NYAP1: variants seen among roughly 807,000 people sequenced by gnomAD.
NYAP1 encodes the protein neuronal tyrosine-phosphorylated phosphoinositide-3-kinase adapter 1.
In NYAP1, 20 loss-of-function variants were observed where a neutral mutation model predicts 58.6. That is an observed-to-expected ratio of 0.34 (90% CI 0.24 to 0.50). NYAP1 has a LOEUF of 0.50. NYAP1 is among the 20% of genes least tolerant of loss of function. The pLI, the probability that NYAP1 is intolerant of heterozygous loss-of-function variation, is 0.98. For synonymous variants in NYAP1, 572 were observed against 523.1 expected (o/e 1.09, Z -1.27); for missense variants, 1,150 against 1,194.5 (o/e 0.96, Z 0.55).
Position 100,489,375 on chromosome 7 carries a change from C to T in NYAP1, c.1654C>T (p.Pro552Ser). 6.2e-7 allele frequency: 1 copy of T among 1,612,748 alleles called. No individual in the cohort carries two copies. The highest frequency in any genetic ancestry group is 8.5e-7 in the Non-Finnish European group (1 of 1,179,898). Residue 552 changes from proline (P) to serine (S), a missense_variant, in exon 4 of 7, where the codon CCA becomes TCA. Transcript: ENST00000300179. ...CCCCCTGACCCCGCTGTGGACCTAC[C>T]CAGCCACAGCAGCTGGGCTCAAGAG... ...VGPLTPLWTY[P>S]ATAAGLKRPP...
chr7:100,490,467 A>C lies in NYAP1; in HGVS notation c.1946-50A>C, dbSNP rs376847262. The C allele has an allele frequency of 4.9e-5, 74 of 1,509,702 alleles. 2 individuals are homozygous for C. The East Asian group carries it at 1.2e-3, about 25-fold the overall frequency. The allele number at this position is 1,509,702 out of a possible 1,614,324, so 93.5% of individuals were successfully genotyped here. Reference sequence around the variant, plus strand: ...GCAGCATGTGTGGCCAGAGGGACAGAATGACGCCTCCAACATGCAGGCACA... The same window carrying C: ...GCAGCATGTGTGGCCAGAGGGACAGCATGACGCCTCCAACATGCAGGCACA... On this transcript the variant is annotated intron_variant, in intron 4 of 6. Transcript: ENST00000300179. This position sits in a 1 kb window ranked among gnomAD's most constrained non-coding sequence, Gnocchi z 4.6.
rs560739359 is a variant in NYAP1 at position 100,489,820 on chromosome 7, C to T, written c.1945+154C>T. ...AGGAGACCAGAGAGGTGGGGGTGGG[C>T]GATAGACAGAAAGACCGGGGTCCCC... On this transcript the variant is annotated intron_variant, in intron 4 of 6. Transcript: ENST00000300179. Among the ~76,000 whole-genome samples, 70 of 150,474 alleles carry T rather than the reference C, an allele frequency of 4.7e-4. No homozygotes were observed. Among genetic ancestry groups the T allele is most frequent in the Middle Eastern group, 3.4e-3 (1 of 292 alleles).
Position 100,486,681 on chromosome 7 carries a change from T to G in NYAP1, c.69-140T>G. On this transcript the variant is annotated intron_variant, in intron 2 of 6. Coordinates refer to ENST00000300179, the MANE Select transcript of NYAP1 (RefSeq NM_173564.4). The surrounding 1 kb of genome is among the most constrained non-coding windows in gnomAD (Gnocchi z 6.2). ...AGCCCCTTCATTGGTGCCCTGGACC[T>G]TCTGGCAACCCTGTCCCCACCCAGG... is the stretch of plus-strand genomic sequence containing the variant. The G allele has an allele frequency of 1.0e-6, 1 of 1,004,184 alleles. No homozygotes were observed. Among genetic ancestry groups the G allele is most frequent in the South Asian group, 2.0e-5 (1 of 50,436 alleles). The allele number at this position is 1,004,184 out of a possible 1,614,324, so 62.2% of individuals were successfully genotyped here.
rs1332879055 is a variant in NYAP1, at chr7:100,493,982, G to C, written c.*79G>C. The C allele has an allele frequency of 1.6e-6, 2 of 1,257,974 alleles. No individual in the cohort carries two copies. Among genetic ancestry groups the C allele is most frequent in the East Asian group, 5.8e-5 (2 of 34,408 alleles). 77.9% of individuals were successfully genotyped at this position (1,257,974 alleles called of 1,614,324 possible). On this transcript the variant is annotated 3_prime_UTR_variant, in exon 7 of 7. Transcript: ENST00000300179. Reference sequence around the variant, plus strand: ...GGCTCTCCCGGGAGCCTCGCCTTGAGAGACATTGAAAGACTACGTGGGAGA... The same window carrying C: ...GGCTCTCCCGGGAGCCTCGCCTTGACAGACATTGAAAGACTACGTGGGAGA...
At position 100,487,264 on chromosome 7, in the gene NYAP1, G is replaced by A. The variant is rs1349840046; in HGVS notation, c.430+82G>A. 34 of 1,369,512 alleles carry A rather than the reference G, an allele frequency of 2.5e-5. No individual in the cohort carries two copies. The highest frequency in any genetic ancestry group is 3.0e-5 in the Non-Finnish European group (31 of 1,039,024). The allele number at this position is 1,369,512 out of a possible 1,614,324, so 84.8% of individuals were successfully genotyped here. A position where few individuals can be genotyped will look rare whatever the true frequency, so the allele number is the denominator to read the frequency against. On this transcript the variant is annotated intron_variant, in intron 3 of 6. Coordinates refer to ENST00000300179, the MANE Select transcript of NYAP1 (RefSeq NM_173564.4). This position sits in a 1 kb window ranked among gnomAD's most constrained non-coding sequence, Gnocchi z 4.1. ...CACGCCCGGGGAGGCTTGCCGGGAG[G>A]GTTCATTCAGGGAAGAACCAAGGAA...
In NYAP1 at chr7:100,489,318, TC is replaced by T; in HGVS notation, c.1603del (p.His535ThrfsTer8). The T allele has an allele frequency of 6.2e-7, 1 of 1,602,800 alleles. No individual in the cohort carries two copies. The highest frequency in any genetic ancestry group is 8.5e-7 in the Non-Finnish European group (1 of 1,175,458). ...GVLHHRGCLASPHSLPDPTVG... is the reference protein window; with the variant it reads ...GVLHHRGCLAXPHSLPDPTVG... ...CCTCCACCACCGCGGCTGCCTGGCC[TC>T]CCCCCACAGCCTTCCGGACCCAACT... is the stretch of plus-strand genomic sequence containing the variant. On this transcript the variant is annotated frameshift_variant, in exon 4 of 7. Transcript: ENST00000300179. LOFTEE classifies it high-confidence loss of function.
rs1799788079 is a variant in NYAP1 at position 100,490,990 on chromosome 7, C to T, written c.2163C>T (p.Phe721=). 1 of 1,549,944 alleles carries T rather than the reference C, an allele frequency of 6.5e-7. No homozygotes were observed. The highest frequency in any genetic ancestry group is 1.2e-5 in the South Asian group (1 of 84,026). The change falls in exon 6 of 7, where the codon TTC becomes TTT. Residue 721 remains phenylalanine, a synonymous_variant. Coordinates refer to ENST00000300179, the MANE Select transcript of NYAP1 (RefSeq NM_173564.4). The surrounding 1 kb of genome is among the most constrained non-coding windows in gnomAD (Gnocchi z 4.6). ...CTCCTCCTTCTTCCACCTCAGACTTCACGGGAGGCTACCGCCTGGGGCGCT... is the reference window on the plus strand; with the variant it reads ...CTCCTCCTTCTTCCACCTCAGACTTTACGGGAGGCTACCGCCTGGGGCGCT... The part of the protein sequence containing the change: ...TFPACHRNGD[F]TGGYRLGRSA...
chr7:100,491,025 C>T lies in NYAP1; in HGVS notation c.2198C>T (p.Thr733Ile), dbSNP rs1799788793. ...TACCGCCTGGGGCGCTCCGCCTCCA[C>T]CTCCGGAGTCCGGCAGGTCGTGCTC... is the stretch of plus-strand genomic sequence containing the variant. ...GGYRLGRSAS[T>I]SGVRQVVLHT... The change falls in exon 6 of 7, where the codon ACC (threonine) becomes ATC (isoleucine). Residue 733 changes from threonine (T) to isoleucine (I), a missense_variant. Thr to Ile is a moderately conservative substitution (Grantham distance 89). Coordinates refer to ENST00000300179, the MANE Select transcript of NYAP1 (RefSeq NM_173564.4). The T allele has an allele frequency of 1.3e-6, 2 of 1,558,276 alleles. No individual in the cohort carries two copies. Among genetic ancestry groups the T allele is most frequent in the African/African-American group, 2.7e-5 (2 of 73,356 alleles).
chr7:100,489,105 A>G lies in NYAP1; in HGVS notation c.1384A>G (p.Met462Val), dbSNP rs1202998487. ...PPKDKAVSYTMVYSAVKVTTH... is the reference protein window; with the variant it reads ...PPKDKAVSYTVVYSAVKVTTH... ...CAAGGACAAGGCCGTGTCTTACACC[A>G]TGGTGTACTCGGCGGTCAAGGTGAC... The change falls in exon 4 of 7, where the codon ATG becomes GTG. Residue 462 changes from methionine (M) to valine (V), a missense_variant. Physicochemically the swap from Met to Val is conservative, Grantham distance 21. Coordinates refer to ENST00000300179, the MANE Select transcript of NYAP1 (RefSeq NM_173564.4). The G allele has an allele frequency of 6.3e-7, 1 of 1,580,580 alleles. No individual in the cohort carries two copies. Among genetic ancestry groups the G allele is most frequent in the African/African-American group, 1.3e-5 (1 of 74,320 alleles).
In NYAP1 at chr7:100,488,184, T is replaced by C; in HGVS notation, c.463T>C (p.Ser155Pro). ...SQKPTPEGRE[S>P]SRKVPPQKPR... ...GAAGCCAACCCCAGAGGGCCGAGAG[T>C]CCAGCCGGAAGGTTCCTCCGCAGAA... The change falls in exon 4 of 7, where the codon TCC becomes CCC. Residue 155 changes from serine to proline, a missense_variant. By Grantham distance (74) the Ser-to-Pro change is moderately conservative. Coordinates refer to ENST00000300179, the MANE Select transcript of NYAP1 (RefSeq NM_173564.4). This position sits in a 1 kb window ranked among gnomAD's most constrained non-coding sequence, Gnocchi z 5.9. The C allele has an allele frequency of 6.2e-7, 1 of 1,604,458 alleles. No individual in the cohort carries two copies. Among genetic ancestry groups the C allele is most frequent in the Non-Finnish European group, 8.5e-7 (1 of 1,176,766 alleles).
At position 100,487,115 on chromosome 7, in the gene NYAP1, C is replaced by A. The variant is rs1048372821; in HGVS notation, c.363C>A (p.His121Gln). Reference protein sequence around the residue: ...TRRPPAKPRRHPSTKLSMVGP... With the variant: ...TRRPPAKPRRQPSTKLSMVGP... ...GACCCCCTGCCAAGCCCCGGAGACA[C>A]CCCAGCACCAAGCTCAGCATGGTGG... Residue 121 changes from histidine (H) to glutamine (Q), a missense_variant, in exon 3 of 7, where the codon CAC becomes CAA. His to Gln is a conservative substitution (Grantham distance 24). Transcript: ENST00000300179. The surrounding 1 kb of genome is among the most constrained non-coding windows in gnomAD (Gnocchi z 4.1). The A allele has an allele frequency of 6.3e-7, 1 of 1,576,724 alleles. No homozygotes were observed. Among genetic ancestry groups the A allele is most frequent in the Admixed American group, 1.8e-5 (1 of 54,764 alleles).
chr7:100,494,010 GC>G lies in NYAP1; in HGVS notation c.*109del. The G allele has an allele frequency of 1.9e-6, 2 of 1,039,618 alleles. No homozygotes were observed. Among genetic ancestry groups the G allele is most frequent in the Non-Finnish European group, 2.6e-6 (2 of 762,354 alleles). The allele number at this position is 1,039,618 out of a possible 1,614,324, so 64.4% of individuals were successfully genotyped here. On this transcript the variant is annotated 3_prime_UTR_variant, in exon 7 of 7. Coordinates refer to ENST00000300179, the MANE Select transcript of NYAP1 (RefSeq NM_173564.4). ...ACATTGAAAGACTACGTGGGAGAGT[GC>G]CAGGGAGAACCCCTGCCCTCCAACC...
In NYAP1 at chr7:100,486,790, C is replaced by T. The variant is rs1799709293; in HGVS notation, c.69-31C>T. ...GGGGATGCCCAGGTCCGAGGCCCTT[C>T]CTCCACTCCATCGTGGCCTTCTCTC... On this transcript the variant is annotated intron_variant, in intron 2 of 6. Transcript: ENST00000300179. This position sits in a 1 kb window ranked among gnomAD's most constrained non-coding sequence, Gnocchi z 6.2. The T allele has an allele frequency of 1.4e-6, 2 of 1,436,872 alleles. No individual in the cohort carries two copies. The highest frequency in any genetic ancestry group is 1.8e-6 in the Non-Finnish European group (2 of 1,099,180). 89.0% of individuals were successfully genotyped at this position (1,436,872 alleles called of 1,614,324 possible).
Position 100,485,928 on chromosome 7 carries a change from G to A in NYAP1, c.68+549G>A, listed in dbSNP as rs1171144288. Among the ~76,000 whole-genome samples, 1 of 152,072 alleles carries A rather than the reference G, an allele frequency of 6.6e-6. No individual in the cohort carries two copies. The highest frequency in any genetic ancestry group is 1.5e-5 in the Non-Finnish European group (1 of 68,004). On this transcript the variant is annotated intron_variant, in intron 2 of 6. Transcript: ENST00000300179. The surrounding 1 kb of genome is among the most constrained non-coding windows in gnomAD (Gnocchi z 5.7). The stretch of plus-strand genomic sequence containing the variant: ...CCCTGCAATCCCTGTCTGCCTCCCC[G>A]CTTGCCCTTCCAGGGACCTGGGGCC...
intron 6 of NYAP1, among the ~76,000 whole-genome samples, chr7:100,492,672 G>A (rs1799811661): frequency 6.6e-6 from 1 of 152,190 alleles, no homozygotes; most frequent in Non-Finnish European, 1.5e-5. Context: ...GCCGAGCCAA[G>A]AGAAGTGGTT....
Position 100,490,704 on chromosome 7 carries a change from C to T in NYAP1, c.2133C>T (p.Thr711=). 1 of 1,522,012 alleles carries T rather than the reference C, an allele frequency of 6.6e-7. No homozygotes were observed. 94.3% of individuals were successfully genotyped at this position (1,522,012 alleles called of 1,614,324 possible). The change falls in exon 5 of 7, where the codon ACC becomes ACT. Residue 711 remains threonine, a synonymous_variant. Transcript: ENST00000300179. The surrounding 1 kb of genome is among the most constrained non-coding windows in gnomAD (Gnocchi z 4.6). ...SRTALPIPCQ[T]FPACHRNGDF... ...CCGCGCTGCCCATTCCCTGCCAGAC[C>T]TTCCCCGCCTGCCACCGCAATGGAG...
rs2131067461 is a variant in NYAP1 at position 100,489,050 on chromosome 7, T to C, written c.1329T>C (p.Pro443=). 6 of 1,508,668 alleles carry C rather than the reference T, an allele frequency of 4.0e-6. No homozygotes were observed. The highest frequency in any genetic ancestry group is 5.4e-6 in the Non-Finnish European group (6 of 1,117,154). The allele number at this position is 1,508,668 out of a possible 1,614,324, so 93.5% of individuals were successfully genotyped here. ...CGGCGGGGGCGCCGGCAGCCCCCCC[T>C]GCCCCGGCCGCCTTGCTCCCCGGCC... ...PKAAGAPAAP[P]APAALLPGPP... Residue 443 remains proline, a synonymous_variant, in exon 4 of 7, where the codon CCT becomes CCC. Coordinates refer to ENST00000300179, the MANE Select transcript of NYAP1 (RefSeq NM_173564.4).
chr7:100,489,124 A>G lies in NYAP1; in HGVS notation c.1403A>G (p.Lys468Arg). The change falls in exon 4 of 7, where the codon AAG becomes AGG. Residue 468 changes from lysine to arginine, a missense_variant. By Grantham distance (26) the Lys-to-Arg change is conservative. Transcript: ENST00000300179. ...VSYTMVYSAV[K>R]VTTHSVLPAG... ...TACACCATGGTGTACTCGGCGGTCA[A>G]GGTGACCACGCACTCTGTCCTGCCA... is the stretch of plus-strand genomic sequence containing the variant. 1 of 1,600,392 alleles carries G rather than the reference A, an allele frequency of 6.2e-7. No homozygotes were observed. The highest frequency in any genetic ancestry group is 8.5e-7 in the Non-Finnish European group (1 of 1,174,098).
Position 100,494,199 on chromosome 7 carries a change from C to A in NYAP1, c.*296C>A. ...GTACACCCCTCCTCCTGAACCAAGC[C>A]AGAGGTCAGCATGGGGAAGGGAGGA... On this transcript the variant is annotated 3_prime_UTR_variant, in exon 7 of 7. Transcript: ENST00000300179. The A allele has an allele frequency of 2.8e-6, 1 of 355,020 alleles. No individual in the cohort carries two copies. The highest frequency in any genetic ancestry group is 4.5e-5 in the East Asian group (1 of 22,056). The allele number at this position is 355,020 out of a possible 1,614,324, so 22.0% of individuals were successfully genotyped here.
Sources: gnomAD v4.1 joint callset for allele counts (sites outside exome capture counted in the v4.1 genomes callset) on GRCh38, gnomAD v4.1.1 for gene constraint, Gnocchi (gnomAD v3.1) non-coding constraint, MANE v1.5 for transcripts, NCBI Gene and HGNC (gene_info 2026-07-23, HGNC 2026-07-21) for gene names.